Variants in SH3RF2 observed in about 807,000 individuals in gnomAD.
SH3RF2 encodes the protein E3 ubiquitin-protein ligase SH3RF2.
A neutral mutation model predicts 59.0 loss-of-function variants in SH3RF2; 43 were observed. That is an observed-to-expected ratio of 0.73 (90% confidence interval 0.57 to 0.94). The LOEUF is 0.94. Among genes scored for constraint, SH3RF2 ranks in the 40% least tolerant of loss-of-function variants. The probability of loss-of-function intolerance (pLI) is 0.00; values close to 1 mark genes in which losing one functional copy is unlikely to be tolerated. For synonymous variants in SH3RF2, 391 were observed against 391.5 expected, an observed-to-expected ratio of 1.00 and a Z score of 0.01; for missense variants, 930 against 940.1, an observed-to-expected ratio of 0.99 and a Z score of 0.14.
At chr5:145,980,308 T>G (rs929227456) in intron 2 of SH3RF2, among the ~76,000 whole-genome samples, 6 of 152,178 alleles carry the variant, frequency 3.9e-5, no homozygotes, top group Non-Finnish European at 8.8e-5. Flanking sequence ...GGCTTTATCT[T>G]TGTGTACACA....
At chr5:146,005,508 T>C (rs1355983012) in intron 4 of SH3RF2, among the ~76,000 whole-genome samples, 1 of 152,126 alleles carries the variant, frequency 6.6e-6, no homozygotes, top group Non-Finnish European at 1.5e-5. Context: ...ACCCAGAGCA[T>C]TGCACAGCTT....
intron 2 of SH3RF2, among the ~76,000 whole-genome samples, chr5:145,961,545 C>T (rs11167921): frequency 0.21 from 32,629 of 151,994 alleles, 5,071 homozygotes; most frequent in African/African-American, 0.43. Flanking sequence ...ATAATCATGG[C>T]GAATAGTTGT....
chr5:145,957,526 T>C (rs1284366183), intron 2 of SH3RF2, among the ~76,000 whole-genome samples: 1 of 152,152 alleles, frequency 6.6e-6, no homozygotes, highest in Non-Finnish European at 1.5e-5. Context: ...AGCACTTCTG[T>C]TTAACTATTG....
chr5:146,001,717 A>T (rs1426622894), intron 3 of SH3RF2, among the ~76,000 whole-genome samples: 2 of 152,224 alleles, frequency 1.3e-5, no homozygotes, highest in Admixed American at 1.3e-4. Context: ...GAGCCCATCC[A>T]TGTGCCAAGC....
At chr5:145,958,217 C>A (rs1024112660) in intron 2 of SH3RF2, among the ~76,000 whole-genome samples, 4 of 152,224 alleles carry the variant, frequency 2.6e-5, no homozygotes, top group Non-Finnish European at 5.9e-5. Context: ...TCAGTTTCCT[C>A]CTCTGTAAAA....
rs1300494996 is a variant in SH3RF2 at position 146,000,053 on chromosome 5, T to C, written c.379-5T>C. The C allele has an allele frequency of 1.2e-6, 2 of 1,612,310 alleles. No individual in the cohort carries two copies. Among genetic ancestry groups the C allele is most frequent in the East Asian group, 2.2e-5 (1 of 44,784 alleles). ...TACATATCTTATTGGTCTGTGCCAT[T>C]GCAGGTGCCTCGAGCAAAGGCCTTA... On this transcript the variant is annotated splice_polypyrimidine_tract_variant and splice_region_variant and intron_variant, in intron 2 of 9. Coordinates refer to ENST00000359120, the MANE Select transcript of SH3RF2 (RefSeq NM_152550.4).
At chr5:146,045,865 A>G (rs1273253017) in intron 5 of SH3RF2, among the ~76,000 whole-genome samples, 6 of 152,256 alleles carry the variant, frequency 3.9e-5, no homozygotes, top group Non-Finnish European at 8.8e-5. Flanking sequence ...ACTGGGTCAT[A>G]TGGTAATCCT....
intron 9 of SH3RF2, among the ~76,000 whole-genome samples, chr5:146,072,981 A>G (rs574710463): frequency 6.6e-6 from 1 of 152,338 alleles, no homozygotes; most frequent in Admixed American, 6.5e-5. Flanking sequence ...AGCACAAGAA[A>G]ATACTTTAAT....
chr5:146,056,379 T>C (rs765575407), intron 8 of SH3RF2, 166 bp downstream of exon 8: 54 of 1,208,154 alleles, frequency 4.5e-5, no homozygotes, highest in African/African-American at 6.1e-5. Flanking sequence ...AATGAAGTCA[T>C]ACCAACTCAA....
chr5:146,023,541 G>A (rs1013138327), intron 5 of SH3RF2, among the ~76,000 whole-genome samples: 1 of 152,170 alleles, frequency 6.6e-6, no homozygotes, highest in East Asian at 1.9e-4. Context: ...GATAGAACTA[G>A]AGGCTTGAAA....
downstream of SH3RF2, among the ~76,000 whole-genome samples, chr5:146,065,013 C>T (rs969910717): frequency 1.3e-5 from 2 of 152,146 alleles, no homozygotes; most frequent in African/African-American, 4.8e-5. Flanking sequence ...GAATTGTCCA[C>T]AGACTTTTTC....
intron 7 of SH3RF2, among the ~76,000 whole-genome samples, chr5:146,049,513 A>G (rs1383623124): frequency 6.6e-6 from 1 of 152,182 alleles, no homozygotes; most frequent in Non-Finnish European, 1.5e-5. Context: ...TATGTTACAG[A>G]TGAAAATGGT....
At chr5:145,996,490 G>A (rs1339712300) in intron 2 of SH3RF2, among the ~76,000 whole-genome samples, 1 of 151,518 alleles carries the variant, frequency 6.6e-6, no homozygotes, top group African/African-American at 2.4e-5. Context: ...TTAGACAACT[G>A]ATTTGACAAA....
At chr5:146,022,039 T>G (rs1365545335) in intron 5 of SH3RF2, among the ~76,000 whole-genome samples, 1 of 152,214 alleles carries the variant, frequency 6.6e-6, no homozygotes, top group African/African-American at 2.4e-5. Flanking sequence ...ATCCCTATCC[T>G]GTTATTTTTT....
chr5:146,055,752 C>A (rs963628959), intron 7 of SH3RF2: 10 of 572,818 alleles, frequency 1.7e-5, no homozygotes, highest in Non-Finnish European at 2.8e-5. Context: ...TTGATATGAG[C>A]CCCCCTTCCT....
At chr5:146,022,185 A>C (rs1761345896) in intron 5 of SH3RF2, among the ~76,000 whole-genome samples, 1 of 152,154 alleles carries the variant, frequency 6.6e-6, no homozygotes, top group African/African-American at 2.4e-5. Flanking sequence ...ATCTCCTTTC[A>C]TTCACCTGCT....
At chr5:145,993,203 G>A (rs1008322258) in intron 2 of SH3RF2, among the ~76,000 whole-genome samples, 1 of 152,204 alleles carries the variant, frequency 6.6e-6, no homozygotes, top group Non-Finnish European at 1.5e-5. Flanking sequence ...GCTAATGCAA[G>A]AGGTAGGTTC....
intron 2 of SH3RF2, among the ~76,000 whole-genome samples, chr5:145,945,690 G>C (rs1325141740): frequency 6.6e-6 from 1 of 152,104 alleles, no homozygotes; most frequent in Admixed American, 6.5e-5. Context: ...GAAACAGATA[G>C]AGGAGAGGCA....
chr5:145,942,640 A>G (rs184456647), intron 2 of SH3RF2, among the ~76,000 whole-genome samples: 89 of 152,330 alleles, frequency 5.8e-4, no homozygotes, highest in Non-Finnish European at 4.1e-4. Flanking sequence ...CAGGCCCCTG[A>G]AAACAGCAGA....
Sources: gnomAD v4.1 joint callset for allele counts (sites outside exome capture counted in the v4.1 genomes callset) on GRCh38, gnomAD v4.1.1 for gene constraint, MANE v1.5 for transcripts, NCBI Gene and HGNC (gene_info 2026-07-23, HGNC 2026-07-21) for gene names.